Variants in PLCB1 observed in about 807,000 individuals in gnomAD.
PLCB1 encodes phospholipase C beta 1, also known as 1-phosphatidylinositol 4,5-bisphosphate phosphodiesterase beta-1.
Under a neutral mutation model 161.8 loss-of-function variants are expected in PLCB1, and 46 were observed. The ratio of observed to expected loss-of-function variants is 0.28; its 90% confidence interval spans 0.22 to 0.36. The LOEUF is 0.36. Among genes scored for constraint, PLCB1 ranks in the 10% least tolerant of loss-of-function variants. The pLI, the probability that PLCB1 is intolerant of heterozygous loss-of-function variation, is 1.00. For synonymous variants in PLCB1, 517 were observed against 503.7 expected, an observed-to-expected ratio of 1.03 and a Z score of -0.35; for missense variants, 1,016 against 1,472.5, an observed-to-expected ratio of 0.69 and a Z score of 5.07.
intron 2 of PLCB1, among the ~76,000 whole-genome samples, chr20:8,231,307 C>A (rs1318159571): frequency 3.3e-5 from 5 of 152,160 alleles, no homozygotes; most frequent in African/African-American, 9.7e-5. Flanking sequence ...GTCTTGTGAG[C>A]TGTAAAATGT....
chr20:8,724,947 A>C (rs1658480945), intron 16 of PLCB1, among the ~76,000 whole-genome samples, 195 bp downstream of exon 16: 1 of 152,164 alleles, frequency 6.6e-6, no homozygotes, highest in South Asian at 2.1e-4. Context: ...TATAAAAATA[A>C]CCATATGAGA....
intron 31 of PLCB1, among the ~76,000 whole-genome samples, chr20:8,876,518 T>C (rs927970521): frequency 6.6e-6 from 1 of 152,136 alleles, no homozygotes; most frequent in African/African-American, 2.4e-5. Context: ...CCAGGCCACA[T>C]AATGAGACTA....
rs111730544 is a variant in PLCB1, at chr20:8,853,507, T to C, written c.3424-28115T>C. 4.0e-3 allele frequency among the ~76,000 whole-genome samples: 606 copies of C among 152,338 alleles called. 7 individuals are homozygous for C. The highest frequency in any genetic ancestry group is 0.013 in the African/African-American group (540 of 41,570). On this transcript the variant is annotated intron_variant, in intron 31 of 31. Transcript: ENST00000338037. ...CTTTGCATCTGGCTTCTTTTTTTGTTGTTGTAGATAGCTGTAGTCGGGTTT... is the reference window on the plus strand; with the variant it reads ...CTTTGCATCTGGCTTCTTTTTTTGTCGTTGTAGATAGCTGTAGTCGGGTTT...
Position 8,881,581 on chromosome 20 carries a change from A to T in PLCB1, c.3424-41A>T, listed in dbSNP as rs765880699. The T allele has an allele frequency of 1.3e-5, 19 of 1,488,294 alleles. No individual in the cohort carries two copies. The East Asian group carries it at 3.6e-4, about 28-fold the overall frequency. The allele number at this position is 1,488,294 out of a possible 1,614,324, so 92.2% of individuals were successfully genotyped here. On this transcript the variant is annotated intron_variant, in intron 31 of 31. Transcript: ENST00000338037. ...TTTCTATGGGAGTGGGTATAGAAAC[A>T]TAAACAACTTCAAGTCATCTCCCCT...
intron 3 of PLCB1, among the ~76,000 whole-genome samples, chr20:8,415,533 AG>A (rs1979231390): frequency 6.6e-6 from 1 of 152,160 alleles, no homozygotes; most frequent in African/African-American, 2.4e-5. Flanking sequence ...TGAGTGGAGT[AG>A]GGGGAGTGAA....
At chr20:8,468,054 C>T (rs1981894725) in intron 3 of PLCB1, among the ~76,000 whole-genome samples, 1 of 152,090 alleles carries the variant, frequency 6.6e-6, no homozygotes, top group Admixed American at 6.6e-5. Context: ...CAAATGAAGT[C>T]ATGTGCAAAA....
At chr20:8,297,903 T>G (rs1049769406) in intron 2 of PLCB1, among the ~76,000 whole-genome samples, 9 of 151,816 alleles carry the variant, frequency 5.9e-5, no homozygotes, top group Non-Finnish European at 1.3e-4. Context: ...TTTTTTTTTT[T>G]TTTTGCCAAA....
At chr20:8,261,083 C>G (rs1265597116) in intron 2 of PLCB1, among the ~76,000 whole-genome samples, 2 of 152,144 alleles carry the variant, frequency 1.3e-5, no homozygotes, top group African/African-American at 4.8e-5. Flanking sequence ...TCATCTGAAA[C>G]AACATGTTTG....
chr20:8,555,456 C>T, intron 3 of PLCB1, among the ~76,000 whole-genome samples: 1 of 152,056 alleles, frequency 6.6e-6, no homozygotes, highest in Non-Finnish European at 1.5e-5. Context: ...TCCACCACTA[C>T]CTGAAATGCT....
chr20:8,566,319 A>T (rs897473758), intron 3 of PLCB1, among the ~76,000 whole-genome samples: 2 of 152,126 alleles, frequency 1.3e-5, no homozygotes, highest in Non-Finnish European at 2.9e-5. Context: ...CTCAGTTTCT[A>T]TCGGGTTTTC....
chr20:8,358,164 G>A (rs1986423624), intron 2 of PLCB1, among the ~76,000 whole-genome samples: 1 of 136,134 alleles, frequency 7.3e-6, no homozygotes, highest in African/African-American at 3.1e-5. Flanking sequence ...CCTTTGGGTT[G>A]AACCTAGCAT....
At chr20:8,280,836 G>GC (rs1982842487) in intron 2 of PLCB1, among the ~76,000 whole-genome samples, 2 of 152,166 alleles carry the variant, frequency 1.3e-5, no homozygotes, top group East Asian at 3.9e-4. Flanking sequence ...AGGGTAGCTG[G>GC]CCTACCCATG....
chr20:8,392,390 C>T (rs1325446414), intron 3 of PLCB1, among the ~76,000 whole-genome samples: 2 of 152,078 alleles, frequency 1.3e-5, no homozygotes, highest in East Asian at 3.9e-4. Flanking sequence ...TAAATATTTC[C>T]CACCTGACAG....
chr20:8,704,662 C>T (rs1437364052), intron 11 of PLCB1, among the ~76,000 whole-genome samples: 1 of 152,212 alleles, frequency 6.6e-6, no homozygotes, highest in African/African-American at 2.4e-5. Flanking sequence ...TATTGGGACA[C>T]AGCCACATCC....
chr20:8,211,008 A>ATTATTTAATGAAAACTGT (rs1160961792), intron 2 of PLCB1, among the ~76,000 whole-genome samples: 1 of 152,122 alleles, frequency 6.6e-6, no homozygotes, highest in Non-Finnish European at 1.5e-5. Flanking sequence ...AAGAGGCAAG[A>ATTATTTAATGAAAACTGT]TTATTTAATG....
At chr20:8,749,309 G>A (rs1026609214) in intron 23 of PLCB1, among the ~76,000 whole-genome samples, 2 of 152,214 alleles carry the variant, frequency 1.3e-5, no homozygotes, top group East Asian at 1.9e-4. Flanking sequence ...TCTTTCTTTC[G>A]CAAGAGTGTG....
chr20:8,443,830 A>G (rs1014047741), intron 3 of PLCB1, among the ~76,000 whole-genome samples: 6 of 152,016 alleles, frequency 3.9e-5, no homozygotes, highest in African/African-American at 1.4e-4. Flanking sequence ...CAATAATTCT[A>G]TTTCTATCAC....
intron 2 of PLCB1, among the ~76,000 whole-genome samples, chr20:8,337,103 T>C (rs1484674360): frequency 6.6e-6 from 1 of 152,138 alleles, no homozygotes; most frequent in Non-Finnish European, 1.5e-5. Context: ...AAAATAAAAA[T>C]AGATAATAAT....
At chr20:8,325,315 T>A (rs909563550) in intron 2 of PLCB1, among the ~76,000 whole-genome samples, 2 of 152,220 alleles carry the variant, frequency 1.3e-5, no homozygotes, top group African/African-American at 4.8e-5. Context: ...TGGACTCTTC[T>A]CTGATAAGCC....
Sources: allele counts gnomAD v4.1 joint callset (sites outside exome capture counted in the v4.1 genomes callset), GRCh38; gene constraint gnomAD v4.1.1; transcripts MANE v1.5; gene names NCBI Gene and HGNC (gene_info 2026-07-23, HGNC 2026-07-21).